The following KLF12 variants were observed in gnomAD, a reference collection of about 807,000 sequenced individuals.
The protein encoded by KLF12 is KLF transcription factor 12.
KLF12 carries 9 observed loss-of-function variants against 37.8 expected under a neutral mutation model. The observed-to-expected ratio is 0.24, with a 90% confidence interval of 0.14 to 0.42. The LOEUF is 0.42. Ranked by LOEUF, KLF12 falls within the 10% of genes least tolerant of loss-of-function variation. KLF12 has a pLI of 1.00. For synonymous variants in KLF12, 208 were observed against 202.1 expected, an observed-to-expected ratio of 1.03 and a Z score of -0.25; for missense variants, 411 against 516.0, an observed-to-expected ratio of 0.80 and a Z score of 1.97.
At chr13:74,060,315 G>A (rs1254569392) in intron 1 of KLF12, among the ~76,000 whole-genome samples, 2 of 151,910 alleles carry the variant, frequency 1.3e-5, no homozygotes, top group East Asian at 3.9e-4. Context: ...TATTTTCATA[G>A]AAATTGTGTC....
intron 5 of KLF12, among the ~76,000 whole-genome samples, chr13:73,795,526 C>T (rs1474618801): frequency 3.3e-5 from 5 of 152,138 alleles, no homozygotes; most frequent in South Asian, 4.1e-4. Flanking sequence ...ACAATGCAAA[C>T]GCATTCACTG....
chr13:74,187,612 T>A, the KLF12 span, among the ~76,000 whole-genome samples: 1 of 152,196 alleles, frequency 6.6e-6, no homozygotes, highest in Non-Finnish European at 1.5e-5. Flanking sequence ...AGACAGTAAG[T>A]AAATATTTGA....
At chr13:73,776,813 T>G (rs138075961) in intron 5 of KLF12, among the ~76,000 whole-genome samples, 1,772 of 152,330 alleles carry the variant, frequency 0.012, 39 homozygotes, top group African/African-American at 0.041. Context: ...TTGTTCTGGT[T>G]GCTTATGAAG....
chr13:73,944,716 A>T (rs911117721), intron 2 of KLF12, among the ~76,000 whole-genome samples: 9 of 152,222 alleles, frequency 5.9e-5, no homozygotes, highest in African/African-American at 7.2e-5. Flanking sequence ...TGCTCAATTT[A>T]CCACCTCTTG....
chr13:73,738,450 C>G (rs564924390), intron 6 of KLF12, among the ~76,000 whole-genome samples: 1 of 152,140 alleles, frequency 6.6e-6, no homozygotes, highest in Non-Finnish European at 1.5e-5. Context: ...CCATACCCGG[C>G]CCATCACATA....
chr13:74,141,851 A>C, the KLF12 span, among the ~76,000 whole-genome samples: 6 of 152,194 alleles, frequency 3.9e-5, no homozygotes, highest in African/African-American at 7.2e-5. Context: ...TGGAATTTGG[A>C]ACAACCAACT....
chr13:74,271,563 G>A, the KLF12 span, among the ~76,000 whole-genome samples: 10 of 152,078 alleles, frequency 6.6e-5, no homozygotes, highest in Non-Finnish European at 1.5e-4. Context: ...TACTCCAAAG[G>A]AAAGTCACTT....
chr13:74,079,943 C>T (rs1356444353), intron 1 of KLF12, among the ~76,000 whole-genome samples: 1 of 152,156 alleles, frequency 6.6e-6, no homozygotes, highest in African/African-American at 2.4e-5. Context: ...GCATTATTCC[C>T]ATTAGCCAAG....
chr13:73,799,548 T>C (rs1434216552), intron 5 of KLF12, among the ~76,000 whole-genome samples: 1 of 152,124 alleles, frequency 6.6e-6, no homozygotes, highest in Non-Finnish European at 1.5e-5. Context: ...ACTCTCTCAT[T>C]ATAAAATCTT....
At chr13:73,993,299 A>G (rs1249877599) in intron 2 of KLF12, among the ~76,000 whole-genome samples, 2 of 152,228 alleles carry the variant, frequency 1.3e-5, no homozygotes, top group Non-Finnish European at 2.9e-5. Flanking sequence ...GAATTCATGA[A>G]TTATGAGCTA....
intron 2 of KLF12, among the ~76,000 whole-genome samples, chr13:73,987,120 A>G (rs1484690494): frequency 1.3e-5 from 2 of 152,224 alleles, no homozygotes; most frequent in African/African-American, 4.8e-5. Flanking sequence ...GAATTTTGAG[A>G]AACTTACACT....
chr13:73,939,043 C>A (rs17288193), intron 3 of KLF12, among the ~76,000 whole-genome samples: 3 of 152,180 alleles, frequency 2.0e-5, no homozygotes, highest in Admixed American at 2.0e-4. Flanking sequence ...CTGTTTCTGC[C>A]GCACTATTGC....
the KLF12 span, among the ~76,000 whole-genome samples, chr13:74,241,299 A>G: frequency 6.1e-4 from 93 of 152,216 alleles, 1 homozygote; most frequent in Middle Eastern, 3.4e-3. Context: ...CAGTCTGCCC[A>G]TTCTCAGATC....
intron 4 of KLF12, among the ~76,000 whole-genome samples, chr13:73,828,779 A>G (rs1566399649): frequency 6.6e-6 from 1 of 152,282 alleles, no homozygotes; most frequent in Admixed American, 6.5e-5. Context: ...ATACATGAAT[A>G]CTGCCCTTAA....
the KLF12 span, among the ~76,000 whole-genome samples, chr13:74,158,825 T>C: frequency 6.6e-6 from 1 of 152,106 alleles, no homozygotes; most frequent in Non-Finnish European, 1.5e-5. Context: ...TTGCAATGAG[T>C]GTTCACTGAA....
intron 1 of KLF12, among the ~76,000 whole-genome samples, chr13:74,130,731 T>C (rs974235047): frequency 9.9e-5 from 15 of 151,962 alleles, no homozygotes; most frequent in Non-Finnish European, 1.3e-4. Context: ...TTTTAGCTCA[T>C]GTTCATTAAT....
chr13:73,893,369 CTTTTTT>C (rs71115621), intron 3 of KLF12, among the ~76,000 whole-genome samples: 1 of 50,564 alleles, frequency 2.0e-5, no homozygotes, highest in African/African-American at 8.2e-5. Flanking sequence ...ACAATATTGA[CTTTTTT>C]TTTTTTTTTT....
At chr13:74,231,096 C>T in the KLF12 span, among the ~76,000 whole-genome samples, 4 of 151,130 alleles carry the variant, frequency 2.6e-5, no homozygotes, top group Non-Finnish European at 4.4e-5. Context: ...CTGCTTGCAT[C>T]GTCATCTGCC....
chr13:74,284,717 G>A, the KLF12 span, among the ~76,000 whole-genome samples: 1 of 152,168 alleles, frequency 6.6e-6, no homozygotes, highest in Non-Finnish European at 1.5e-5. Flanking sequence ...GGTGAGAGGA[G>A]GGCTTTTCAA....
Sources: gnomAD v4.1 joint callset for allele counts (sites outside exome capture counted in the v4.1 genomes callset) on GRCh38, gnomAD v4.1.1 for gene constraint, MANE v1.5 for transcripts, NCBI Gene and HGNC (gene_info 2026-07-23, HGNC 2026-07-21) for gene names.